Variants in PHKA1 observed in about 807,000 individuals in gnomAD.
PHKA1 encodes phosphorylase kinase regulatory subunit alpha 1.
A neutral mutation model predicts 110.2 loss-of-function variants in PHKA1; 60 were observed. The observed-to-expected ratio is 0.54, with a 90% CI of 0.44 to 0.68. The LOEUF is 0.68. Among genes scored for constraint, PHKA1 ranks in the 30% least tolerant of loss-of-function variants. PHKA1 has a pLI of 0.00. For synonymous variants in PHKA1, 316 were observed against 333.6 expected, an observed-to-expected ratio of 0.95 and a Z score of 0.58; for missense variants, 801 against 942.5, an observed-to-expected ratio of 0.85 and a Z score of 1.97.
chrX:72,581,344 G>GAGTTTGTATGC (rs782266427), intron 31 of PHKA1, among the ~76,000 whole-genome samples, 169 bp from the exon 32 acceptor site: 164 of 111,540 alleles, frequency 1.5e-3, no homozygotes, highest in African/African-American at 5.0e-3. Context: ...GGGTGAATAT[G>GAGTTTGTATGC]AGTTTGTATG....
At chrX:72,667,019 C>T (rs1183577298) in intron 7 of PHKA1, among the ~76,000 whole-genome samples, 1 of 112,330 alleles carries the variant, frequency 8.9e-6, no homozygotes, top group Non-Finnish European at 1.9e-5. Flanking sequence ...TTCAGAAACA[C>T]TAACAAGAAT....
chrX:72,629,815 T>C (rs2053138373), intron 16 of PHKA1, among the ~76,000 whole-genome samples: 2 of 111,624 alleles, frequency 1.8e-5, no homozygotes, highest in Non-Finnish European at 3.8e-5. Context: ...GGTTTCTTAG[T>C]GGTTACTCCA....
intron 17 of PHKA1, among the ~76,000 whole-genome samples, 176 bp downstream of exon 17, chrX:72,626,795 T>C (rs904669892): frequency 4.5e-5 from 5 of 112,057 alleles, no homozygotes; most frequent in African/African-American, 1.6e-4. Flanking sequence ...TATCTTATTG[T>C]ACTGTACTCA....
chrX:72,667,531 C>T lies in PHKA1; in HGVS notation c.619-58G>A, dbSNP rs2053628457. ...AGCATTAGAAAGATATATATTTCTT[C>T]TCCCTATATCCCAGTATCTTATCAA... is the stretch of plus-strand genomic sequence containing the variant. On this transcript the variant is annotated intron_variant, in intron 6 of 31. Transcript: ENST00000373542. 12 of 843,242 alleles carry T rather than the reference C, an allele frequency of 1.4e-5. No individual in the cohort carries two copies. In the South Asian group the frequency reaches 2.1e-4, roughly 15 times the overall value. The allele number at this position is 843,242 out of a possible 1,213,427, so 69.5% of individuals were successfully genotyped here.
chrX:72,680,623 G>A (rs1254402901), intron 5 of PHKA1, among the ~76,000 whole-genome samples: 30 of 87,858 alleles, frequency 3.4e-4, no homozygotes, highest in African/African-American at 9.2e-4. Flanking sequence ...CATGGTGGCC[G>A]CGGCTGGTGG....
intron 6 of PHKA1, among the ~76,000 whole-genome samples, chrX:72,675,191 AAAT>A (rs1177927748): frequency 2.8e-5 from 3 of 107,837 alleles, no homozygotes; most frequent in East Asian, 2.8e-4. Context: ...CCGTCTCAAA[AAAT>A]AATAATAATA....
chrX:72,679,846 G>A (rs782226421), intron 5 of PHKA1, among the ~76,000 whole-genome samples: 3 of 110,230 alleles, frequency 2.7e-5, no homozygotes, highest in African/African-American at 9.9e-5. Flanking sequence ...TCGAAGGAAG[G>A]GGGGGAACAT....
chrX:72,668,677 T>C lies in PHKA1; in HGVS notation c.619-1204A>G, dbSNP rs146756802. On this transcript the variant is annotated intron_variant, in intron 6 of 31. Transcript: ENST00000373542. ...CCTAAACTGAGACCTATAGGGTAAG[T>C]AGAAGTTGGCCAGGCACAAAATACT... is the stretch of plus-strand genomic sequence containing the variant. Among the ~76,000 whole-genome samples, 413 of 111,551 alleles carry C rather than the reference T, an allele frequency of 3.7e-3. 1 individual carries two copies. The highest frequency in any genetic ancestry group is 0.013 in the African/African-American group (402 of 30,672).
intron 14 of PHKA1, among the ~76,000 whole-genome samples, chrX:72,643,942 A>G (rs1556296411): frequency 1.8e-5 from 2 of 112,071 alleles, no homozygotes; most frequent in African/African-American, 6.5e-5. Flanking sequence ...CTAATTAAAA[A>G]TAAGTATTAT....
Position 72,627,019 on chromosome X carries a change from A to G in PHKA1, c.1745T>C (p.Ile582Thr), listed in dbSNP as rs1414168846. The change falls in exon 17 of 32, where the codon ATC becomes ACC. Residue 582 changes from isoleucine (I) to threonine (T), a missense_variant. By Grantham distance (89) the Ile-to-Thr change is moderately conservative (BLOSUM62 -1). Transcript: ENST00000373542. ...DEDGTSLNSSILAALRKMQDG... is the reference protein window; with the variant it reads ...DEDGTSLNSSTLAALRKMQDG... ...TTGCATTTTTCGGAGTGCTGCCAGGATACTTGAATTCAAGCTTGTTCCATC... is the reference window on the plus strand; with the variant it reads ...TTGCATTTTTCGGAGTGCTGCCAGGGTACTTGAATTCAAGCTTGTTCCATC... 5.0e-6 allele frequency: 6 copies of G among 1,208,063 alleles called. No homozygotes were observed. The highest frequency in any genetic ancestry group is 6.7e-6 in the Non-Finnish European group (6 of 893,302).
At chrX:72,682,343 G>T (rs1303676972) in intron 5 of PHKA1, among the ~76,000 whole-genome samples, 3 of 106,253 alleles carry the variant, frequency 2.8e-5, no homozygotes, top group East Asian at 3.1e-4. Flanking sequence ...GAGGTGGGGG[G>T]GTCAGCCCCC....
chrX:72,709,219 A>G (rs1435664306), intron 2 of PHKA1, among the ~76,000 whole-genome samples: 3 of 111,014 alleles, frequency 2.7e-5, no homozygotes, highest in African/African-American at 9.8e-5. Flanking sequence ...ACTTAGCACA[A>G]AGAACTGGAG....
At chrX:72,673,935 C>T (rs1322801683) in intron 6 of PHKA1, among the ~76,000 whole-genome samples, 18 of 103,248 alleles carry the variant, frequency 1.7e-4, no homozygotes, top group Non-Finnish European at 2.2e-4. Context: ...AGGTATATCT[C>T]CTAATGCTAT....
intron 21 of PHKA1, among the ~76,000 whole-genome samples, chrX:72,614,116 C>A (rs1384171550): frequency 8.9e-6 from 1 of 111,774 alleles, no homozygotes; most frequent in Non-Finnish European, 1.9e-5. Context: ...TAAACAATTC[C>A]TTGACTTTGG....
intron 5 of PHKA1, among the ~76,000 whole-genome samples, chrX:72,681,725 G>T (rs1254742265): frequency 1.3e-5 from 1 of 74,439 alleles, no homozygotes; most frequent in African/African-American, 5.4e-5. Context: ...GAGGTGGGGG[G>T]GTCAGCCCTC....
At chrX:72,599,780 T>C (rs186995057) in intron 28 of PHKA1, 526 of 523,318 alleles carry the variant, frequency 1.0e-3, no homozygotes, top group South Asian at 2.4e-3. Flanking sequence ...TCAAAGCACA[T>C]GTGAATGGCA....
intron 28 of PHKA1, 107 bp downstream of exon 28, chrX:72,601,884 C>T: frequency 1.7e-6 from 1 of 588,338 alleles, no homozygotes; most frequent in Non-Finnish European, 2.9e-6. Context: ...TTCAAACAAT[C>T]TACTCCATGA....
rs782036622 is a variant in PHKA1 at position 72,653,505 on chromosome X, T to C, written c.1067A>G (p.Glu356Gly). 5.0e-5 allele frequency: 60 copies of C among 1,195,713 alleles called. No individual in the cohort carries two copies. Among genetic ancestry groups the C allele is most frequent in the Non-Finnish European group, 6.7e-5 (59 of 883,198 alleles). ...EQVQEYKEAL[E>G]AVLIKGKNGV... is the part of the protein sequence containing the mutation. ...ATTTTTGCCCTTGATGAGGACTGCT[T>C]CAAGAGCCTCTTTATATTCTTGAAC... The change falls in exon 11 of 32, where the codon GAA becomes GGA. Residue 356 changes from glutamate (E) to glycine (G), a missense_variant. Glu to Gly is a moderately conservative substitution (Grantham distance 98). Coordinates refer to ENST00000373542, the MANE Select transcript of PHKA1 (RefSeq NM_002637.4).
chrX:72,593,190 G>C lies in PHKA1; in HGVS notation c.3157C>G (p.Gln1053Glu), dbSNP rs1556228308. 1.7e-6 allele frequency: 2 copies of C among 1,189,081 alleles called. No individual in the cohort carries two copies. The change falls in exon 29 of 32, where the codon CAA (glutamine) becomes GAA (glutamate). Residue 1053 changes from glutamine to glutamate, a missense_variant. Physicochemically the swap from Gln to Glu is conservative, Grantham distance 29. Transcript: ENST00000373542. Reference protein sequence around the residue: ...QQSSKDSRQGQWQRRRRLDGA... With the variant: ...QQSSKDSRQGEWQRRRRLDGA... ...TCCAGCCTTCTTCGGCGTTGCCATT[G>C]ACCTTGACGACTATCTTTAGATGAC...
Sources: gnomAD v4.1 joint callset for allele counts (sites outside exome capture counted in the v4.1 genomes callset) on GRCh38, gnomAD v4.1.1 for gene constraint, MANE v1.5 for transcripts, NCBI Gene and HGNC (gene_info 2026-07-23, HGNC 2026-07-21) for gene names.